TNFAIP1: variants seen among roughly 807,000 people sequenced by gnomAD.
TNFAIP1 encodes the protein BTB/POZ domain-containing adapter for CUL3-mediated RhoA degradation protein 2.
In TNFAIP1, 20 loss-of-function variants were observed where a neutral mutation model predicts 32.6. The ratio of observed to expected loss-of-function variants is 0.61; its 90% CI spans 0.43 to 0.89. The LOEUF (loss-of-function observed/expected upper bound fraction) is 0.89, where lower values mean the gene tolerates loss of function less well. Among genes scored for constraint, TNFAIP1 ranks in the 40% least tolerant of loss-of-function variants. The pLI is 0.00. For missense variants in TNFAIP1, 319 were observed against 425.1 expected (o/e 0.75, Z 2.20); for synonymous variants, 166 against 166.8 (o/e 1.00, Z 0.04).
intron 1 of TNFAIP1, among the ~76,000 whole-genome samples, chr17:28,336,212 T>C (rs782407810): frequency 6.6e-6 from 1 of 152,168 alleles, no homozygotes; most frequent in Non-Finnish European, 1.5e-5. Context: ...CCCTCCTCTT[T>C]CCACCTCCGC....
Position 28,335,873 on chromosome 17 carries a change from C to T in TNFAIP1, c.-115+17C>T, listed in dbSNP as rs1184145439. 6.6e-6 allele frequency: 1 copy of T among 152,246 alleles called. No individual in the cohort carries two copies. The highest frequency in any genetic ancestry group is 1.5e-5 in the Non-Finnish European group (1 of 68,102). The allele number at this position is 152,246 out of a possible 1,614,324, so 9.4% of individuals were successfully genotyped here. On this transcript the variant is annotated intron_variant, in intron 1 of 6. Transcript: ENST00000226225. ...CCGGGGACGGTGAGAGCCGGGCCCG[C>T]CGATGCCCTCGGGGAAGGGATGGAC...
rs951873954 is a variant in TNFAIP1, at chr17:28,342,723, T to G, written c.714+281T>G. Among the ~76,000 whole-genome samples, 1 of 152,230 alleles carries G rather than the reference T, an allele frequency of 6.6e-6. No homozygotes were observed. The highest frequency in any genetic ancestry group is 1.9e-4 in the East Asian group (1 of 5,202). On this transcript the variant is annotated intron_variant, in intron 6 of 6. Transcript: ENST00000226225. The surrounding 1 kb of genome is among the most constrained non-coding windows in gnomAD (Gnocchi z 4.0). ...TCTTTGAAGTTGGCCCAATTCAGGT[T>G]TGAACGCTGGCTCACACCACTTGCC... is the stretch of plus-strand genomic sequence containing the variant.
In TNFAIP1 at chr17:28,342,517, C is replaced by T. The variant is rs782598981; in HGVS notation, c.714+75C>T. 3 of 1,401,996 alleles carry T rather than the reference C, an allele frequency of 2.1e-6. No individual in the cohort carries two copies. Among genetic ancestry groups the T allele is most frequent in the African/African-American group, 2.8e-5 (2 of 70,240 alleles). The allele number at this position is 1,401,996 out of a possible 1,614,324, so 86.8% of individuals were successfully genotyped here. On this transcript the variant is annotated intron_variant, in intron 6 of 6. Transcript: ENST00000226225. This position sits in a 1 kb window ranked among gnomAD's most constrained non-coding sequence, Gnocchi z 4.0. ...GCGGGGGACGTGGTCGGGCTGTGAC[C>T]AGCACGGAGCAAAAGGGGCATGGAC...
At chr17:28,336,090 A>C (rs1555577384) in intron 1 of TNFAIP1, among the ~76,000 whole-genome samples, 4 of 152,060 alleles carry the variant, frequency 2.6e-5, no homozygotes, top group Non-Finnish European at 1.5e-5. Flanking sequence ...TTTTTGGGTG[A>C]CGCTTAACCT....
At chr17:28,337,403 G>C (rs1907215893) in intron 1 of TNFAIP1, among the ~76,000 whole-genome samples, 1 of 152,128 alleles carries the variant, frequency 6.6e-6, no homozygotes, top group Non-Finnish European at 1.5e-5. Flanking sequence ...CCTCAAACTT[G>C]TTTTAATTTT....
Position 28,344,764 on chromosome 17 carries a change from C to T in TNFAIP1, c.*164C>T, listed in dbSNP as rs1366704369. ...GAGGGTCTGGGCAGAGGAGGGACCA[C>T]ATTCCCCTGCCTTGCCCCTGAGCAC... On this transcript the variant is annotated 3_prime_UTR_variant, in exon 7 of 7. Coordinates refer to ENST00000226225, the MANE Select transcript of TNFAIP1 (RefSeq NM_021137.5). The T allele has an allele frequency of 1.5e-6, 1 of 674,550 alleles. No individual in the cohort carries two copies. 41.8% of individuals were successfully genotyped at this position (674,550 alleles called of 1,614,324 possible). A position where few individuals can be genotyped will look rare whatever the true frequency, so the allele number is the denominator to read the frequency against.
At position 28,342,114 on chromosome 17, in the gene TNFAIP1, C is replaced by A; in HGVS notation, c.519-133C>A. The A allele has an allele frequency of 1.3e-6, 1 of 787,812 alleles. No individual in the cohort carries two copies. Among genetic ancestry groups the A allele is most frequent in the Non-Finnish European group, 1.9e-6 (1 of 519,994 alleles). 48.8% of individuals were successfully genotyped at this position (787,812 alleles called of 1,614,324 possible). On this transcript the variant is annotated intron_variant, in intron 5 of 6. Transcript: ENST00000226225. The surrounding 1 kb of genome is among the most constrained non-coding windows in gnomAD (Gnocchi z 4.0). The stretch of plus-strand genomic sequence containing the variant: ...TACCCTATGATCCTTTCTCTCCTGG[C>A]CCCCTGGCATCTTGCTTTCATTTCG...
chr17:28,338,542 T>C (rs1162302091), intron 1 of TNFAIP1, among the ~76,000 whole-genome samples: 5 of 151,560 alleles, frequency 3.3e-5, no homozygotes, highest in African/African-American at 1.2e-4. Flanking sequence ...CCTGGCTTAC[T>C]GCATTCTCTC....
At position 28,342,138 on chromosome 17, in the gene TNFAIP1, C is replaced by A. The variant is rs956935467; in HGVS notation, c.519-109C>A. The stretch of plus-strand genomic sequence containing the variant: ...GCCCCCTGGCATCTTGCTTTCATTT[C>A]GGCAGGACAGGATGGGGGAAGGGAG... On this transcript the variant is annotated intron_variant, in intron 5 of 6. Coordinates refer to ENST00000226225, the MANE Select transcript of TNFAIP1 (RefSeq NM_021137.5). The surrounding 1 kb of genome is among the most constrained non-coding windows in gnomAD (Gnocchi z 4.0). 1 of 1,012,752 alleles carries A rather than the reference C, an allele frequency of 9.9e-7. No individual in the cohort carries two copies. Among genetic ancestry groups the A allele is most frequent in the Non-Finnish European group, 1.4e-6 (1 of 723,976 alleles). 62.7% of individuals were successfully genotyped at this position (1,012,752 alleles called of 1,614,324 possible).
intron 1 of TNFAIP1, among the ~76,000 whole-genome samples, chr17:28,338,204 CAA>C (rs1907241318): frequency 6.6e-6 from 1 of 152,146 alleles, no homozygotes; most frequent in African/African-American, 2.4e-5. Flanking sequence ...CTCCTGGGCT[CAA>C]GAGATCCTCC....
Position 28,340,067 on chromosome 17 carries a change from A to G in TNFAIP1, c.206-242A>G, listed in dbSNP as rs1907310170. 1.3e-5 allele frequency among the ~76,000 whole-genome samples: 2 copies of G among 152,136 alleles called. No individual in the cohort carries two copies. Among genetic ancestry groups the G allele is most frequent in the South Asian group, 2.1e-4 (1 of 4,836 alleles). The stretch of plus-strand genomic sequence containing the variant: ...CTGAGCCTAGGCCCCTGTGGCTTCT[A>G]CAGCCTGGAGGGCTGTATCCCCCGT... On this transcript the variant is annotated intron_variant, in intron 2 of 6. Transcript: ENST00000226225. This position sits in a 1 kb window ranked among gnomAD's most constrained non-coding sequence, Gnocchi z 4.1.
Position 28,344,360 on chromosome 17 carries a change from C to T in TNFAIP1, c.715-4C>T. The stretch of plus-strand genomic sequence containing the variant: ...TGCTCCACCTTCTTCCTCCCTAACC[C>T]CAGGTGGAATTCCCAGAGGCCCGAA... On this transcript the variant is annotated splice_polypyrimidine_tract_variant and splice_region_variant and intron_variant, in intron 6 of 6. Coordinates refer to ENST00000226225, the MANE Select transcript of TNFAIP1 (RefSeq NM_021137.5). 1 of 1,611,824 alleles carries T rather than the reference C, an allele frequency of 6.2e-7. No homozygotes were observed. Among genetic ancestry groups the T allele is most frequent in the Non-Finnish European group, 8.5e-7 (1 of 1,178,452 alleles).
At chr17:28,336,833 C>T (rs781996383) in intron 1 of TNFAIP1, among the ~76,000 whole-genome samples, 13 of 152,214 alleles carry the variant, frequency 8.5e-5, no homozygotes, top group Non-Finnish European at 1.6e-4. Flanking sequence ...CTGTCCACTT[C>T]CTTGGACATT....
rs782694035 is a variant in TNFAIP1, at chr17:28,340,272, C to A, written c.206-37C>A. ...CTTTGCCTGCCTCGGAGGTACCTGG[C>A]GGCAAACTAACCCTGTAGGGCCTTC... On this transcript the variant is annotated intron_variant, in intron 2 of 6. Coordinates refer to ENST00000226225, the MANE Select transcript of TNFAIP1 (RefSeq NM_021137.5). This position sits in a 1 kb window ranked among gnomAD's most constrained non-coding sequence, Gnocchi z 4.1. 1.2e-6 allele frequency: 2 copies of A among 1,600,876 alleles called. No individual in the cohort carries two copies. The highest frequency in any genetic ancestry group is 1.7e-6 in the Non-Finnish European group (2 of 1,170,856).
intron 6 of TNFAIP1, among the ~76,000 whole-genome samples, chr17:28,343,496 AACTT>A (rs377092249): frequency 6.6e-6 from 1 of 150,540 alleles, no homozygotes; most frequent in African/African-American, 2.4e-5. Context: ...GGGGAAGGCC[AACTT>A]ACAGGTGGCC....
rs892656574 is a variant in TNFAIP1 at position 28,342,878 on chromosome 17, G to A, written c.714+436G>A. ...CAACTCTTTGGAGCAGCAGTGTGGT[G>A]TAGAAACAGCTTGGGCTTTCGTGTT... On this transcript the variant is annotated intron_variant, in intron 6 of 6. Coordinates refer to ENST00000226225, the MANE Select transcript of TNFAIP1 (RefSeq NM_021137.5). This position sits in a 1 kb window ranked among gnomAD's most constrained non-coding sequence, Gnocchi z 4.0. 7.2e-5 allele frequency among the ~76,000 whole-genome samples: 11 copies of A among 152,360 alleles called. No individual in the cohort carries two copies. The highest frequency in any genetic ancestry group is 2.4e-4 in the African/African-American group (10 of 41,582).
Position 28,339,699 on chromosome 17 carries a change from C to T in TNFAIP1, c.178C>T (p.Arg60Cys). 2 of 1,613,888 alleles carry T rather than the reference C, an allele frequency of 1.2e-6. No homozygotes were observed. Among genetic ancestry groups the T allele is most frequent in the Non-Finnish European group, 1.7e-6 (2 of 1,179,972 alleles). Residue 60 changes from arginine to cysteine, a missense_variant, in exon 2 of 7, where the codon CGC becomes TGC. Coordinates refer to ENST00000226225, the MANE Select transcript of TNFAIP1 (RefSeq NM_021137.5). Reference protein sequence around the residue: ...DTMLKAMFSGRMEVLTDKEGW... With the variant: ...DTMLKAMFSGCMEVLTDKEGW... ...CATGCTCAAGGCCATGTTCAGTGGGCGCATGGAGGTGCTGACCGACAAAGA... is the reference window on the plus strand; with the variant it reads ...CATGCTCAAGGCCATGTTCAGTGGGTGCATGGAGGTGCTGACCGACAAAGA...
Position 28,340,208 on chromosome 17 carries a change from C to T in TNFAIP1, c.206-101C>T. The T allele has an allele frequency of 1.6e-6, 2 of 1,273,556 alleles. No homozygotes were observed. The highest frequency in any genetic ancestry group is 2.2e-6 in the Non-Finnish European group (2 of 894,244). 78.9% of individuals were successfully genotyped at this position (1,273,556 alleles called of 1,614,324 possible). ...TGCGTAAGGGCTTTGTGCTCGTGGA[C>T]CCCCTTCCCTGCCACCTGCCGCCAG... On this transcript the variant is annotated intron_variant, in intron 2 of 6. Transcript: ENST00000226225. The surrounding 1 kb of genome is among the most constrained non-coding windows in gnomAD (Gnocchi z 4.1).
Position 28,342,438 on chromosome 17 carries a change from C to G in TNFAIP1, c.710C>G (p.Thr237Ser). ...GTGTATGCCACGGAGAAGAAGCAGA[C>G]CAAGGTGTGGGGGATTGCCCCTGCC... ...SIVYATEKKQ[T>S]KVEFPEARIY... The change falls in exon 6 of 7, where the codon ACC (threonine) becomes AGC (serine). Residue 237 changes from threonine (T) to serine (S), a missense_variant. Coordinates refer to ENST00000226225, the MANE Select transcript of TNFAIP1 (RefSeq NM_021137.5). The surrounding 1 kb of genome is among the most constrained non-coding windows in gnomAD (Gnocchi z 4.0). The G allele has an allele frequency of 6.3e-7, 1 of 1,580,414 alleles. No individual in the cohort carries two copies. The highest frequency in any genetic ancestry group is 1.1e-5 in the South Asian group (1 of 89,720).
Sources: allele counts gnomAD v4.1 joint callset (sites outside exome capture counted in the v4.1 genomes callset), GRCh38; gene constraint gnomAD v4.1.1; non-coding constraint Gnocchi (gnomAD v3.1); transcripts MANE v1.5; gene names NCBI Gene and HGNC (gene_info 2026-07-23, HGNC 2026-07-21).